The following MDGA2 variants were observed in gnomAD, a reference collection of about 807,000 sequenced individuals.
The protein encoded by MDGA2 is MAM domain-containing glycosylphosphatidylinositol anchor protein 2.
MDGA2 carries 40 observed loss-of-function variants against 117.8 expected under a neutral mutation model. The ratio of observed to expected loss-of-function variants is 0.34; its 90% CI spans 0.26 to 0.44. The LOEUF is 0.44. Ranked by LOEUF, MDGA2 falls within the 20% of genes least tolerant of loss-of-function variation. MDGA2 has a pLI of 1.00. For synonymous variants in MDGA2, 452 were observed against 439.0 expected, an observed-to-expected ratio of 1.03 and a Z score of -0.37; for missense variants, 1,123 against 1,250.6, an observed-to-expected ratio of 0.90 and a Z score of 1.54.
At chr14:47,631,715 T>C (rs1897250962) in intron 1 of MDGA2, among the ~76,000 whole-genome samples, 1 of 152,174 alleles carries the variant, frequency 6.6e-6, no homozygotes, top group Admixed American at 6.5e-5. Flanking sequence ...CACTGCACTT[T>C]CCAGGCTTTT....
At chr14:47,173,974 CA>C (rs1566664619) in intron 3 of MDGA2, among the ~76,000 whole-genome samples, 1 of 151,598 alleles carries the variant, frequency 6.6e-6, no homozygotes, top group Admixed American at 6.6e-5. Context: ...AAATGGAAAA[CA>C]AAAAAAGGCA....
At chr14:47,126,840 G>C (rs897228039) in intron 5 of MDGA2, among the ~76,000 whole-genome samples, 1 of 152,144 alleles carries the variant, frequency 6.6e-6, no homozygotes, top group Non-Finnish European at 1.5e-5. Context: ...CTGTTCTGCA[G>C]TAAGAACTTT....
intron 3 of MDGA2, among the ~76,000 whole-genome samples, chr14:47,211,349 C>T (rs1308581548): frequency 6.6e-6 from 1 of 152,124 alleles, no homozygotes. Context: ...ACCAAAAACA[C>T]AAGACTCCTG....
At chr14:47,408,131 G>T (rs1430823569) in intron 1 of MDGA2, among the ~76,000 whole-genome samples, 2 of 140,164 alleles carry the variant, frequency 1.4e-5, no homozygotes, top group Non-Finnish European at 3.0e-5. Flanking sequence ...TCTTGGCTCA[G>T]TGCAACCTCC....
At chr14:47,285,728 T>C (rs1395887439) in intron 2 of MDGA2, among the ~76,000 whole-genome samples, 1 of 152,128 alleles carries the variant, frequency 6.6e-6, no homozygotes, top group Non-Finnish European at 1.5e-5. Flanking sequence ...CATTGAGGTA[T>C]ATGGCTTCCA....
chr14:46,992,295 A>C (rs1032267801), intron 8 of MDGA2, among the ~76,000 whole-genome samples: 1 of 152,188 alleles, frequency 6.6e-6, no homozygotes, highest in Admixed American at 6.6e-5. Flanking sequence ...TCCACAGTAA[A>C]ATTAAATCTA....
At chr14:46,897,111 T>C (rs1029182901) in intron 10 of MDGA2, among the ~76,000 whole-genome samples, 2 of 152,164 alleles carry the variant, frequency 1.3e-5, no homozygotes, top group Non-Finnish European at 2.9e-5. Flanking sequence ...ATATTTTAAA[T>C]GTTTTTCAGA....
intron 1 of MDGA2, among the ~76,000 whole-genome samples, chr14:47,468,273 A>C (rs552456715): frequency 6.6e-6 from 1 of 152,290 alleles, no homozygotes; most frequent in East Asian, 1.9e-4. Flanking sequence ...GTCTCAAAGA[A>C]AGAAAAGAGT....
chr14:46,891,884 G>C (rs140667069), intron 10 of MDGA2, among the ~76,000 whole-genome samples: 1 of 151,146 alleles, frequency 6.6e-6, no homozygotes, highest in East Asian at 2.0e-4. Context: ...AATGATATTT[G>C]AACTTTTGCA....
At chr14:47,527,407 G>T (rs1000417705) in intron 1 of MDGA2, among the ~76,000 whole-genome samples, 1 of 152,162 alleles carries the variant, frequency 6.6e-6, no homozygotes, top group South Asian at 2.1e-4. Context: ...GATGGAAGGA[G>T]TAGAAAAAGG....
intron 1 of MDGA2, among the ~76,000 whole-genome samples, chr14:47,373,182 G>C (rs995312737): frequency 4.6e-5 from 7 of 151,912 alleles, no homozygotes; most frequent in African/African-American, 1.7e-4. Context: ...GAAGGGGTGG[G>C]AGAGATTTTT....
chr14:47,501,683 T>C (rs1212246272), intron 1 of MDGA2, among the ~76,000 whole-genome samples: 2 of 152,124 alleles, frequency 1.3e-5, no homozygotes, highest in African/African-American at 4.8e-5. Flanking sequence ...AAGATCTGGA[T>C]ACAAAGATTG....
At chr14:47,220,444 T>C (rs1886258019) in intron 2 of MDGA2, among the ~76,000 whole-genome samples, 1 of 152,192 alleles carries the variant, frequency 6.6e-6, no homozygotes, top group South Asian at 2.1e-4. Context: ...TTTAGCCACA[T>C]TCTTGCTGTT....
At chr14:47,647,107 T>G (rs1897548842) in intron 1 of MDGA2, among the ~76,000 whole-genome samples, 1 of 152,174 alleles carries the variant, frequency 6.6e-6, no homozygotes, top group African/African-American at 2.4e-5. Flanking sequence ...TGTCAAATGT[T>G]CATAAAAATA....
chr14:47,192,451 CA>C (rs1462689711), intron 3 of MDGA2, among the ~76,000 whole-genome samples: 1 of 151,692 alleles, frequency 6.6e-6, no homozygotes, highest in East Asian at 1.9e-4. Context: ...CCCATCTCTA[CA>C]AAAAATACAA....
chr14:47,505,081 A>T (rs768224736), intron 1 of MDGA2, among the ~76,000 whole-genome samples: 1 of 152,196 alleles, frequency 6.6e-6, no homozygotes, highest in African/African-American at 2.4e-5. Flanking sequence ...GGTTAAGTAA[A>T]ATAGTAAAAT....
At chr14:46,969,467 T>C (rs867783817) in intron 8 of MDGA2, among the ~76,000 whole-genome samples, 2 of 152,308 alleles carry the variant, frequency 1.3e-5, no homozygotes, top group African/African-American at 4.8e-5. Flanking sequence ...TGATATCTCA[T>C]TGTGGTTTTG....
At chr14:47,044,275 A>G (rs1292603512) in intron 7 of MDGA2, among the ~76,000 whole-genome samples, 1 of 152,166 alleles carries the variant, frequency 6.6e-6, no homozygotes, top group Non-Finnish European at 1.5e-5. Flanking sequence ...CCACCAAAAA[A>G]CAATAGATTT....
At chr14:47,415,742 C>A (rs1892462654) in intron 1 of MDGA2, among the ~76,000 whole-genome samples, 1 of 152,094 alleles carries the variant, frequency 6.6e-6, no homozygotes, top group Non-Finnish European at 1.5e-5. Context: ...CTTCTGGAGG[C>A]TGGAAGTTTG....
Sources: allele counts gnomAD v4.1 joint callset (sites outside exome capture counted in the v4.1 genomes callset), GRCh38; gene constraint gnomAD v4.1.1; transcripts MANE v1.5; gene names NCBI Gene and HGNC (gene_info 2026-07-23, HGNC 2026-07-21).